TNR: variants seen among roughly 807,000 people sequenced by gnomAD.
TNR encodes the protein tenascin R.
Under a neutral mutation model 150.4 loss-of-function variants are expected in TNR, and 45 were observed. That is an observed-to-expected ratio of 0.30 (90% CI 0.24 to 0.38). The LOEUF is 0.38. Ranked by LOEUF, TNR falls within the 10% of genes least tolerant of loss-of-function variation. The pLI, the probability that TNR is intolerant of heterozygous loss-of-function variation, is 1.00. For synonymous variants in TNR, 687 were observed against 678.4 expected (o/e 1.01, Z -0.20); for missense variants, 1,544 against 1,759.1 (o/e 0.88, Z 2.19).
chr1:175,648,905 G>T (rs1470607855), intron 1 of TNR, among the ~76,000 whole-genome samples: 2 of 152,158 alleles, frequency 1.3e-5, no homozygotes, highest in Non-Finnish European at 2.9e-5. Context: ...ATGTTGACTT[G>T]GGAATACTGC....
intron 1 of TNR, among the ~76,000 whole-genome samples, chr1:175,529,334 A>C (rs1455534050): frequency 6.6e-6 from 1 of 152,224 alleles, no homozygotes; most frequent in Non-Finnish European, 1.5e-5. Flanking sequence ...CTCATCTAAG[A>C]CATCTGTGAA....
chr1:175,370,914 T>C (rs1378515779), intron 9 of TNR, among the ~76,000 whole-genome samples: 1 of 152,214 alleles, frequency 6.6e-6, no homozygotes, highest in Non-Finnish European at 1.5e-5. Flanking sequence ...CAGAATTTAA[T>C]GTGTTCTCTT....
chr1:175,540,749 A>C (rs970643656), intron 1 of TNR, among the ~76,000 whole-genome samples: 7 of 151,778 alleles, frequency 4.6e-5, no homozygotes, highest in African/African-American at 1.2e-4. Flanking sequence ...TTATCTCCGG[A>C]CTGGTTCACC....
chr1:175,411,649 C>T (rs1654220168), intron 2 of TNR, among the ~76,000 whole-genome samples: 1 of 151,544 alleles, frequency 6.6e-6, no homozygotes, highest in African/African-American at 2.4e-5. Context: ...TGTCTGTGCA[C>T]TGTATTCTCC....
At chr1:175,332,747 C>T (rs1343264199) in intron 20 of TNR, among the ~76,000 whole-genome samples, 1 of 152,164 alleles carries the variant, frequency 6.6e-6, no homozygotes, top group Non-Finnish European at 1.5e-5. Context: ...CCCTTTCCTT[C>T]CTCCATTCTT....
chr1:175,406,699 C>T lies in TNR; in HGVS notation c.16G>A (p.Glu6Lys), dbSNP rs775934150. The change falls in exon 3 of 23, where the codon GAA becomes AAA. Residue 6 changes from glutamate to lysine, a missense_variant. Around this residue, in one of 2 missense-constraint regions of TNR, gnomAD observed 1,254 missense variants for 1,329.4 expected, o/e 0.94. Transcript: ENST00000367674. MGADG[E>K]TVVLKNMLIG... ...AGCATGTTCTTCAGAACCACTGTTT[C>T]CCCATCTGCCCCCATCCTCTCAGCC... 6.2e-7 allele frequency: 1 copy of T among 1,613,662 alleles called. No homozygotes were observed. The highest frequency in any genetic ancestry group is 8.5e-7 in the Non-Finnish European group (1 of 1,179,692).
chr1:175,514,835 C>CG (rs747237373), intron 2 of TNR, among the ~76,000 whole-genome samples: 40 of 152,172 alleles, frequency 2.6e-4, no homozygotes, highest in Non-Finnish European at 5.0e-4. Context: ...GTGTGCAGAG[C>CG]GGGGGAGATT....
intron 7 of TNR, among the ~76,000 whole-genome samples, chr1:175,390,461 A>C (rs1653120466): frequency 6.6e-6 from 1 of 152,266 alleles, no homozygotes; most frequent in Non-Finnish European, 1.5e-5. Flanking sequence ...GATGCTATTT[A>C]TAACTTTCGA....
chr1:175,678,580 C>A (rs1284331322), intron 1 of TNR, among the ~76,000 whole-genome samples: 1 of 152,206 alleles, frequency 6.6e-6, no homozygotes, highest in African/African-American at 2.4e-5. Flanking sequence ...CTTCCTCTGG[C>A]CAGATATCCT....
chr1:175,580,379 C>T (rs139042417), intron 1 of TNR, among the ~76,000 whole-genome samples: 7 of 152,266 alleles, frequency 4.6e-5, no homozygotes, highest in African/African-American at 9.6e-5. Context: ...CCTGGGGGGT[C>T]TCTATTTGCA....
At chr1:175,624,014 G>A (rs1664066019) in intron 1 of TNR, among the ~76,000 whole-genome samples, 1 of 152,214 alleles carries the variant, frequency 6.6e-6, no homozygotes, top group African/African-American at 2.4e-5. Context: ...CTAGCATGAT[G>A]ATGAGAGCCA....
At position 175,396,640 on chromosome 1, in the gene TNR, T is replaced by C. The variant is rs1477636528; in HGVS notation, c.1144A>G (p.Ile382Val). The C allele has an allele frequency of 6.2e-7, 1 of 1,614,232 alleles. No individual in the cohort carries two copies. Among genetic ancestry groups the C allele is most frequent in the Admixed American group, 1.7e-5 (1 of 60,026 alleles). The part of the protein sequence containing the change: ...RVPGDWSGVT[I>V]TELEPGLTYN... ...GTGAGACCTGGCTCCAGCTCCGTGA[T>C]GGTGACACCACTCCAATCTCCAGGC... The change falls in exon 5 of 23, where the codon ATC becomes GTC. Residue 382 changes from isoleucine (I) to valine (V), a missense_variant. Around this residue, in one of 2 missense-constraint regions of TNR, gnomAD observed 1,254 missense variants for 1,329.4 expected, o/e 0.94. Transcript: ENST00000367674.
In TNR at chr1:175,396,664, G is replaced by A. The variant is rs768768260; in HGVS notation, c.1120C>T (p.Pro374Ser). The A allele has an allele frequency of 6.2e-7, 1 of 1,614,198 alleles. No individual in the cohort carries two copies. Among genetic ancestry groups the A allele is most frequent in the Admixed American group, 1.7e-5 (1 of 60,028 alleles). Reference sequence around the variant, plus strand: ...ATGGTGACACCACTCCAATCTCCAGGCACCCGCTGCTGGAGCTGGAGGCCC... The same window carrying A: ...ATGGTGACACCACTCCAATCTCCAGACACCCGCTGCTGGAGCTGGAGGCCC... ...LGGLQLQQRV[P>S]GDWSGVTITE... The change falls in exon 5 of 23, where the codon CCT (proline) becomes TCT (serine). Residue 374 changes from proline (P) to serine (S), a missense_variant. Transcript: ENST00000367674.
chr1:175,652,413 A>G (rs1665028121), intron 1 of TNR, among the ~76,000 whole-genome samples: 1 of 152,106 alleles, frequency 6.6e-6, no homozygotes, highest in Non-Finnish European at 1.5e-5. Flanking sequence ...CAATGTATAA[A>G]ACCAATAAGA....
chr1:175,451,343 C>T (rs1160586458), intron 2 of TNR, among the ~76,000 whole-genome samples: 3 of 152,228 alleles, frequency 2.0e-5, no homozygotes, highest in South Asian at 2.1e-4. Flanking sequence ...TTACATTAGG[C>T]ATATCTCCTA....
intron 18 of TNR, among the ~76,000 whole-genome samples, chr1:175,342,863 A>G (rs1409345999): frequency 6.6e-6 from 1 of 152,236 alleles, no homozygotes; most frequent in Non-Finnish European, 1.5e-5. Flanking sequence ...TACTAGAGGA[A>G]TGTTCTGACA....
chr1:175,404,638 T>C (rs1315680772), intron 3 of TNR, among the ~76,000 whole-genome samples: 3 of 152,216 alleles, frequency 2.0e-5, no homozygotes, highest in Non-Finnish European at 2.9e-5. Flanking sequence ...GAAAATATAC[T>C]TTACTGACAT....
chr1:175,440,547 AT>A (rs1245846094), intron 2 of TNR, among the ~76,000 whole-genome samples: 2 of 151,816 alleles, frequency 1.3e-5, no homozygotes, highest in Non-Finnish European at 2.9e-5. Flanking sequence ...ATAAAATAAA[AT>A]AAAGGAAAAA....
At chr1:175,489,838 C>A (rs530528418) in intron 2 of TNR, among the ~76,000 whole-genome samples, 3 of 152,028 alleles carry the variant, frequency 2.0e-5, no homozygotes, top group Admixed American at 1.3e-4. Flanking sequence ...CAACTTCAAC[C>A]GAAAGAACTA....
Sources: gnomAD v4.1 joint callset for allele counts (sites outside exome capture counted in the v4.1 genomes callset) on GRCh38, gnomAD v4.1.1 for gene constraint, gnomAD v4.1.1 regional missense constraint, MANE v1.5 for transcripts, NCBI Gene and HGNC (gene_info 2026-07-23, HGNC 2026-07-21) for gene names.